The following SLC75A1 variants were observed in gnomAD, a reference collection of about 807,000 sequenced individuals.
SLC75A1 encodes the protein solute carrier family 75 member 1.
At chr4:2,932,405 G>A in the SLC75A1 span, 84 of 1,613,520 alleles carry the variant, frequency 5.2e-5, no homozygotes, top group Admixed American at 1.1e-3. Context: ...ACAGCAGGTC[G>A]GAGGCTGCGA....
At chr4:2,931,827 A>C in the SLC75A1 span, 11 of 1,598,636 alleles carry the variant, frequency 6.9e-6, no homozygotes, top group African/African-American at 1.3e-5. Context: ...GGACCCACCT[A>C]CTGAACTGGA....
At chr4:2,933,453 C>T in the SLC75A1 span, 8 of 1,194,732 alleles carry the variant, frequency 6.7e-6, no homozygotes, top group South Asian at 1.0e-4. Context: ...CCAGACATGC[C>T]AGCCCAGGGA....
chr4:2,931,272 C>T, the SLC75A1 span: 136 of 1,556,152 alleles, frequency 8.7e-5, no homozygotes, highest in Non-Finnish European at 1.1e-4. Flanking sequence ...ACAACGGCGG[C>T]GGCTGGTGGG....
At chr4:2,933,044 C>T in the SLC75A1 span, 1 of 1,517,468 alleles carries the variant, frequency 6.6e-7, no homozygotes, top group East Asian at 2.3e-5. Flanking sequence ...CACCTAACCC[C>T]ATGGGGCTAC....
chr4:2,933,801 C>A, the SLC75A1 span: 537 of 1,592,124 alleles, frequency 3.4e-4, no homozygotes, highest in Non-Finnish European at 4.5e-4. Flanking sequence ...GGGGCAGCAG[C>A]AGCGTGAAGG....
the SLC75A1 span, chr4:2,931,670 G>A: frequency 3.1e-6 from 5 of 1,610,532 alleles, no homozygotes; most frequent in African/African-American, 2.7e-5. Flanking sequence ...TAGGCTGGGA[G>A]CGGGTGTGTT....
the SLC75A1 span, chr4:2,930,957 C>A: frequency 1.9e-6 from 3 of 1,612,876 alleles, no homozygotes; most frequent in African/African-American, 2.7e-5. Context: ...CAGTACACTG[C>A]GGAGAGACGG....
chr4:2,933,136 C>G, the SLC75A1 span: 1 of 1,613,534 alleles, frequency 6.2e-7, no homozygotes, highest in Non-Finnish European at 8.5e-7. Flanking sequence ...GGCGCCTCCC[C>G]AAGCAGTCAG....
the SLC75A1 span, chr4:2,932,280 G>A: frequency 3.3e-5 from 50 of 1,534,588 alleles, 1 homozygote; most frequent in South Asian, 1.2e-4. Context: ...CTGGCACACA[G>A]GGGCACTTTA....
chr4:2,931,908 T>C, the SLC75A1 span: 2 of 1,610,770 alleles, frequency 1.2e-6, no homozygotes, highest in East Asian at 2.2e-5. Context: ...GGAAGTAGAC[T>C]AGGCCCAGGC....
the SLC75A1 span, chr4:2,931,151 C>A: frequency 6.4e-7 from 1 of 1,562,532 alleles, no homozygotes; most frequent in Non-Finnish European, 8.7e-7. Flanking sequence ...CCTGGTGAGC[C>A]TGTGGGAAGA....
chr4:2,934,069 C>T, the SLC75A1 span: 1 of 882,108 alleles, frequency 1.1e-6, no homozygotes, highest in Non-Finnish European at 1.7e-6. Context: ...GGCCTACGGA[C>T]GCAGGGGCCG....
At chr4:2,932,641 C>T in the SLC75A1 span, 32 of 1,613,082 alleles carry the variant, frequency 2.0e-5, no homozygotes, top group Admixed American at 8.3e-5. Context: ...AGGTCAGCAA[C>T]GATGGCCGTG....
At chr4:2,932,057 G>T in the SLC75A1 span, 1 of 1,611,094 alleles carries the variant, frequency 6.2e-7, no homozygotes, top group South Asian at 1.1e-5. Context: ...TCTCCAGAGG[G>T]TGGGTCCTGG....
chr4:2,933,006 GA>G, the SLC75A1 span: 2 of 1,222,296 alleles, frequency 1.6e-6, no homozygotes, highest in East Asian at 2.5e-5. Flanking sequence ...CAGTGGCCAT[GA>G]GGGGCCCACA....
chr4:2,932,419 G>A, the SLC75A1 span: 2 of 1,613,710 alleles, frequency 1.2e-6, no homozygotes, highest in Non-Finnish European at 1.7e-6. Context: ...GCTGCGAAGA[G>A]CAGGGCAAAC....
the SLC75A1 span, chr4:2,932,938 C>G: frequency 4.7e-6 from 5 of 1,055,888 alleles, no homozygotes; most frequent in Non-Finnish European, 6.7e-6. Context: ...AAGCCTGGCT[C>G]TGGAACAGGA....
the SLC75A1 span, chr4:2,934,191 C>G: frequency 1.9e-6 from 1 of 522,404 alleles, no homozygotes; most frequent in Non-Finnish European, 3.4e-6. Flanking sequence ...CCAGGGTGAG[C>G]ACATCGCGGA....
At chr4:2,931,781 G>A in the SLC75A1 span, 182 of 1,548,928 alleles carry the variant, frequency 1.2e-4, no homozygotes, top group East Asian at 2.4e-3. Flanking sequence ...AAGCAGGGGC[G>A]TTATTTCAGG....
Sources: allele counts gnomAD v4.1 joint callset, GRCh38; gene constraint gnomAD v4.1.1; transcripts MANE v1.5; gene names NCBI Gene and HGNC (gene_info 2026-07-23, HGNC 2026-07-21).